The following CEP63 variants were observed in gnomAD, a reference collection of about 807,000 sequenced individuals.
CEP63 encodes the protein centrosomal protein of 63 kDa.
In CEP63, 84 loss-of-function variants were observed where a neutral mutation model predicts 89.1. The observed-to-expected ratio is 0.94, with a 90% confidence interval of 0.79 to 1.13. The LOEUF is 1.13. Among genes scored for constraint, CEP63 ranks in the 50% most tolerant of loss-of-function variants. The pLI is 0.00. For synonymous variants in CEP63, 267 were observed against 272.5 expected, an observed-to-expected ratio of 0.98 and a Z score of 0.20; for missense variants, 838 against 813.3, an observed-to-expected ratio of 1.03 and a Z score of -0.37.
chr3:134,544,973 C>T (rs906325815), intron 6 of CEP63, among the ~76,000 whole-genome samples: 11 of 151,894 alleles, frequency 7.2e-5, no homozygotes, highest in Non-Finnish European at 1.3e-4. Flanking sequence ...CCACTGTGCT[C>T]GGGTAATTTT....
At chr3:134,593,435 G>C in the CEP63 span, among the ~76,000 whole-genome samples, 1 of 152,150 alleles carries the variant, frequency 6.6e-6, no homozygotes, top group Non-Finnish European at 1.5e-5. Flanking sequence ...AAAACAGGGA[G>C]GTTCAGTAAC....
chr3:134,729,651 A>G, the CEP63 span, among the ~76,000 whole-genome samples: 1 of 152,234 alleles, frequency 6.6e-6, no homozygotes, highest in African/African-American at 2.4e-5. Context: ...GTCTGGTTCA[A>G]AGGAATTACT....
chr3:134,612,663 T>A, the CEP63 span, among the ~76,000 whole-genome samples: 1 of 151,566 alleles, frequency 6.6e-6, no homozygotes, highest in Non-Finnish European at 1.5e-5. Flanking sequence ...TTGTGAAAAA[T>A]ATTTAGTGAG....
At chr3:134,702,508 A>G in the CEP63 span, among the ~76,000 whole-genome samples, 1 of 152,184 alleles carries the variant, frequency 6.6e-6, no homozygotes. Flanking sequence ...ACAACATGGT[A>G]CTGGTACAAG....
At chr3:134,779,344 C>A in the CEP63 span, among the ~76,000 whole-genome samples, 3 of 152,186 alleles carry the variant, frequency 2.0e-5, no homozygotes, top group South Asian at 4.2e-4. Context: ...TAAGAATACA[C>A]CATGATTTAT....
At chr3:134,631,345 G>C in the CEP63 span, among the ~76,000 whole-genome samples, 1 of 152,184 alleles carries the variant, frequency 6.6e-6, no homozygotes, top group Admixed American at 6.5e-5. Flanking sequence ...GTAAAGCCAA[G>C]AGAATTTGGT....
the CEP63 span, among the ~76,000 whole-genome samples, chr3:134,623,032 C>T: frequency 4.5e-3 from 692 of 152,334 alleles, 4 homozygotes; most frequent in Non-Finnish European, 7.0e-3. Context: ...GCTCCAACAC[C>T]GCAGACTTTG....
intron 14 of CEP63, among the ~76,000 whole-genome samples, chr3:134,560,852 T>C (rs913959840): frequency 6.6e-6 from 1 of 152,212 alleles, no homozygotes; most frequent in Non-Finnish European, 1.5e-5. Context: ...CTATTGTGAA[T>C]GAGTATTGAC....
At chr3:134,631,452 A>G in the CEP63 span, among the ~76,000 whole-genome samples, 2 of 152,192 alleles carry the variant, frequency 1.3e-5, no homozygotes, top group African/African-American at 2.4e-5. Flanking sequence ...GAGAAATGGT[A>G]AATATCTAGA....
intron 2 of CEP63, among the ~76,000 whole-genome samples, chr3:134,505,457 G>T (rs1322832420): frequency 6.6e-6 from 1 of 152,176 alleles, no homozygotes; most frequent in Non-Finnish European, 1.5e-5. Context: ...CTCTGCTGGG[G>T]TAGGGACACC....
chr3:134,616,324 T>C, the CEP63 span, among the ~76,000 whole-genome samples: 2 of 152,206 alleles, frequency 1.3e-5, no homozygotes, highest in Non-Finnish European at 2.9e-5. Flanking sequence ...AATCAGTCTT[T>C]AATGAGACAA....
At chr3:134,759,995 A>G in the CEP63 span, among the ~76,000 whole-genome samples, 1 of 151,706 alleles carries the variant, frequency 6.6e-6, no homozygotes, top group African/African-American at 2.4e-5. Context: ...GATTCTAAGG[A>G]GTGTGCTCTT....
At chr3:134,673,990 A>G in the CEP63 span, among the ~76,000 whole-genome samples, 2 of 152,348 alleles carry the variant, frequency 1.3e-5, no homozygotes, top group South Asian at 4.1e-4. Flanking sequence ...GTCCAGGTCC[A>G]TGTCTAAACT....
intron 2 of CEP63, among the ~76,000 whole-genome samples, chr3:134,506,098 G>T (rs1449110701): frequency 2.0e-5 from 3 of 152,154 alleles, no homozygotes; most frequent in African/African-American, 4.8e-5. Flanking sequence ...GTCACACTAA[G>T]AACAGGTGCT....
the CEP63 span, among the ~76,000 whole-genome samples, chr3:134,622,810 G>A: frequency 6.6e-6 from 1 of 152,148 alleles, no homozygotes; most frequent in African/African-American, 2.4e-5. Context: ...GGGCCACTAG[G>A]TCCTGCAATG....
At chr3:134,650,690 G>C in the CEP63 span, 1 of 806,918 alleles carries the variant, frequency 1.2e-6, no homozygotes, top group Non-Finnish European at 1.9e-6. Flanking sequence ...GGGAAGCGAC[G>C]GCAGCCATGG....
chr3:134,567,800 C>T (rs1957846218), downstream of CEP63, among the ~76,000 whole-genome samples: 1 of 152,196 alleles, frequency 6.6e-6, no homozygotes. Context: ...AAAGGCCACT[C>T]ATCAGCCAGG....
chr3:134,673,299 G>A, the CEP63 span, among the ~76,000 whole-genome samples: 26 of 152,138 alleles, frequency 1.7e-4, no homozygotes, highest in South Asian at 3.5e-3. Flanking sequence ...ACAACCTGAC[G>A]TCCCCCCTCC....
At chr3:134,652,497 G>A in the CEP63 span, among the ~76,000 whole-genome samples, 1 of 150,010 alleles carries the variant, frequency 6.7e-6, no homozygotes, top group African/African-American at 2.5e-5. Flanking sequence ...CTGATGGAAG[G>A]AGAGGTTGTT....
Sources: allele counts gnomAD v4.1 joint callset (sites outside exome capture counted in the v4.1 genomes callset), GRCh38; gene constraint gnomAD v4.1.1; transcripts MANE v1.5; gene names NCBI Gene and HGNC (gene_info 2026-07-23, HGNC 2026-07-21).